DNMT3A: variants seen among roughly 807,000 people sequenced by gnomAD.
DNMT3A encodes the protein DNA methyltransferase 3 alpha.
In DNMT3A, 267 loss-of-function variants were observed where a neutral mutation model predicts 117.6. The observed-to-expected ratio is 2.27, with a 90% CI of 2.05 to 2.51. The LOEUF (loss-of-function observed/expected upper bound fraction) is 2.51, where lower values mean the gene tolerates loss of function less well. DNMT3A is among the 30% of genes most tolerant of loss of function. The probability of loss-of-function intolerance (pLI) is 0.00; values close to 1 mark genes in which losing one functional copy is unlikely to be tolerated. For synonymous variants in DNMT3A, 432 were observed against 474.8 expected (o/e 0.91, Z 1.17); for missense variants, 1,029 against 1,260.2 (o/e 0.82, Z 2.78).
At chr2:25,235,929 G>A in intron 21 of DNMT3A, 104 bp from the exon 22 acceptor site, 1 of 1,084,176 alleles carries the variant, frequency 9.2e-7, no homozygotes, top group South Asian at 1.3e-5. Context: ...CCCTGACAGG[G>A]CCTGGTCCAC....
rs2149273784 is a variant in DNMT3A, at chr2:25,240,668, G to A, written c.2145C>T (p.Ile715=). The part of the protein sequence containing the change: ...IGGSPCNDLS[I]VNPARKGLYE... ...AGAGGCCCTTGCGAGCAGGGTTGACGATGGAGAGGTCATTGCAGGGACTGC... is the reference window on the plus strand; with the variant it reads ...AGAGGCCCTTGCGAGCAGGGTTGACAATGGAGAGGTCATTGCAGGGACTGC... Residue 715 remains isoleucine (I), a synonymous_variant, in exon 18 of 23, where the codon ATC becomes ATT. Transcript: ENST00000321117. 10 of 1,614,264 alleles carry A rather than the reference G, an allele frequency of 6.2e-6. No individual in the cohort carries two copies. Among genetic ancestry groups the A allele is most frequent in the South Asian group, 2.2e-5 (2 of 91,080 alleles).
In DNMT3A at chr2:25,247,056, G is replaced by A. The variant is rs1470645299; in HGVS notation, c.1117C>T (p.Leu373=). 6.2e-7 allele frequency: 1 copy of A among 1,613,968 alleles called. No homozygotes were observed. The part of the protein sequence containing the change: ...PMYRKAIYEV[L]QVASSRAGKL... ...CTCCCAGCAGGGACACTCACCTGCAGGACCTCGTAGATGGCTTTGCGGTAC... is the reference window on the plus strand; with the variant it reads ...CTCCCAGCAGGGACACTCACCTGCAAGACCTCGTAGATGGCTTTGCGGTAC... The change falls in exon 9 of 23, where the codon CTG becomes TTG. Residue 373 remains leucine, a synonymous_variant. Transcript: ENST00000321117. This position sits in a 1 kb window ranked among gnomAD's most constrained non-coding sequence, Gnocchi z 5.6.
chr2:25,256,157 C>G (rs1447906305), intron 6 of DNMT3A, among the ~76,000 whole-genome samples: 10 of 152,254 alleles, frequency 6.6e-5, no homozygotes, highest in Non-Finnish European at 1.5e-5. Context: ...CCAGGGAGAC[C>G]TGATCCAGAC....
chr2:25,255,169 G>A (rs553531224), intron 6 of DNMT3A, among the ~76,000 whole-genome samples: 137 of 152,278 alleles, frequency 9.0e-4, no homozygotes, highest in Non-Finnish European at 1.6e-3. Flanking sequence ...TGTGGTCAAT[G>A]CACAGTCAGA....
chr2:25,246,273 A>ATG lies in DNMT3A; in HGVS notation c.1314_1315dup (p.Met439ThrfsTer213). On this transcript the variant is annotated frameshift_variant, in exon 11 of 23. Coordinates refer to ENST00000321117, the MANE Select transcript of DNMT3A (RefSeq NM_022552.5). LOFTEE classifies it high-confidence loss of function. ...GGCAGCTGCCTCAGGTTCCACCCACATGTCCGTGTACACTTCTTTGTAGGG... is the reference window on the plus strand; with the variant it reads ...GGCAGCTGCCTCAGGTTCCACCCACATGTGTCCGTGTACACTTCTTTGTAGGG... 1 of 1,613,818 alleles carries ATG rather than the reference A, an allele frequency of 6.2e-7. No homozygotes were observed. The highest frequency in any genetic ancestry group is 8.5e-7 in the Non-Finnish European group (1 of 1,179,830).
intron 6 of DNMT3A, among the ~76,000 whole-genome samples, chr2:25,267,019 C>T (rs945926006): frequency 2.6e-5 from 4 of 152,070 alleles, no homozygotes; most frequent in Non-Finnish European, 5.9e-5. Flanking sequence ...TAAATGGCCA[C>T]CAATAACAGA....
chr2:25,315,448 C>A (rs1013496418), intron 1 of DNMT3A, among the ~76,000 whole-genome samples: 6 of 152,198 alleles, frequency 3.9e-5, no homozygotes, highest in African/African-American at 1.4e-4. Context: ...ACAGCTGAGC[C>A]CTGAGGCAGC....
chr2:25,331,612 G>T (rs937791679), intron 1 of DNMT3A, among the ~76,000 whole-genome samples: 3 of 152,212 alleles, frequency 2.0e-5, no homozygotes, highest in African/African-American at 7.2e-5. Context: ...AAATCACTGT[G>T]AAGTAGAGGC....
Position 25,314,121 on chromosome 2 carries a change from T to G in DNMT3A, c.-137A>C. On this transcript the variant is annotated 5_prime_UTR_variant, in exon 2 of 23. Transcript: ENST00000321117. ...CGGTGTTGAGCCCTCTGGTGAACGGTGCCTCTGTCAGCCTGTGGGTGGGGG... is the reference window on the plus strand; with the variant it reads ...CGGTGTTGAGCCCTCTGGTGAACGGGGCCTCTGTCAGCCTGTGGGTGGGGG... The G allele has an allele frequency of 7.0e-7, 1 of 1,427,858 alleles. No individual in the cohort carries two copies. The highest frequency in any genetic ancestry group is 9.1e-7 in the Non-Finnish European group (1 of 1,093,766). 88.4% of individuals were successfully genotyped at this position (1,427,858 alleles called of 1,614,324 possible).
chr2:25,296,136 T>A lies in DNMT3A; in HGVS notation c.177+4003A>T, dbSNP rs1558718363. Among the ~76,000 whole-genome samples, 1 of 152,200 alleles carries A rather than the reference T, an allele frequency of 6.6e-6. No homozygotes were observed. The highest frequency in any genetic ancestry group is 2.4e-5 in the African/African-American group (1 of 41,442). On this transcript the variant is annotated intron_variant, in intron 3 of 22. Coordinates refer to ENST00000321117, the MANE Select transcript of DNMT3A (RefSeq NM_022552.5). The surrounding 1 kb of genome is among the most constrained non-coding windows in gnomAD (Gnocchi z 4.2). ...ACAACAAATGCTTCTCAAAGTGAGG[T>A]CTGCAGACCACTGCAGTCCCATGTG...
chr2:25,252,562 C>G lies in DNMT3A; in HGVS notation c.640-4310G>C, dbSNP rs1461866110. On this transcript the variant is annotated intron_variant, in intron 6 of 22. Transcript: ENST00000321117. This position sits in a 1 kb window ranked among gnomAD's most constrained non-coding sequence, Gnocchi z 5.5. ...CCCAGGCCGGGCTGCAGGGAGCGCC[C>G]CGCCTTCGGGAAGACCGCCTGGCCC... 1.3e-5 allele frequency among the ~76,000 whole-genome samples: 2 copies of G among 151,376 alleles called. No homozygotes were observed. Among genetic ancestry groups the G allele is most frequent in the Non-Finnish European group, 3.0e-5 (2 of 67,778 alleles).
intron 16 of DNMT3A, among the ~76,000 whole-genome samples, chr2:25,243,274 C>T (rs1674296370): frequency 6.7e-6 from 1 of 148,776 alleles, no homozygotes; most frequent in South Asian, 2.1e-4. Flanking sequence ...CACTGCACTC[C>T]AGCCTGGGCA....
At chr2:25,262,682 C>T (rs1558688730) in intron 6 of DNMT3A, among the ~76,000 whole-genome samples, 1 of 152,196 alleles carries the variant, frequency 6.6e-6, no homozygotes, top group South Asian at 2.1e-4. Flanking sequence ...ATTGTCCTGC[C>T]AGGTTATCTT....
At chr2:25,297,988 G>A (rs56218834) in intron 3 of DNMT3A, among the ~76,000 whole-genome samples, 60,092 of 152,172 alleles carry the variant, frequency 0.39, 12,266 homozygotes, top group Middle Eastern at 0.46. Flanking sequence ...GTCAAACTAC[G>A]GTTGCCGTGG....
chr2:25,247,557 C>T lies in DNMT3A; in HGVS notation c.1014+34G>A, dbSNP rs142243425. 788 of 1,605,180 alleles carry T rather than the reference C, an allele frequency of 4.9e-4. 3 individuals carry two copies. In the African/African-American group the frequency reaches 8.8e-3, roughly 18 times the overall value. On this transcript the variant is annotated intron_variant, in intron 8 of 22. Transcript: ENST00000321117. This position sits in a 1 kb window ranked among gnomAD's most constrained non-coding sequence, Gnocchi z 5.6. ...AGGCCCTGGGATCAAGAACCTTCCC[C>T]CACCCCAGGCTACTGCCAAACCCCA... is the stretch of plus-strand genomic sequence containing the variant.
chr2:25,230,104 C>A lies in DNMT3A; in HGVS notation c.*4175G>T, dbSNP rs976283232. Reference sequence around the variant, plus strand: ...GGCCTGTTTCAAAAGCTAACAGGTCCCGGGTGCTCTCTTGGAAAGTTTGCT... The same window carrying A: ...GGCCTGTTTCAAAAGCTAACAGGTCACGGGTGCTCTCTTGGAAAGTTTGCT... On this transcript the variant is annotated 3_prime_UTR_variant, in exon 23 of 23. Coordinates refer to ENST00000321117, the MANE Select transcript of DNMT3A (RefSeq NM_022552.5). 6.6e-5 allele frequency: 10 copies of A among 152,214 alleles called. No homozygotes were observed. Among genetic ancestry groups the A allele is most frequent in the African/African-American group, 2.2e-4 (9 of 41,452 alleles). 9.4% of individuals were successfully genotyped at this position (152,214 alleles called of 1,614,324 possible).
intron 1 of DNMT3A, among the ~76,000 whole-genome samples, chr2:25,332,804 T>A (rs1456769081): frequency 6.6e-6 from 1 of 152,192 alleles, no homozygotes; most frequent in African/African-American, 2.4e-5. Flanking sequence ...AGCCTGTGCG[T>A]GGATGGCAAC....
chr2:25,321,114 C>T (rs765106454), intron 1 of DNMT3A, among the ~76,000 whole-genome samples: 7 of 146,812 alleles, frequency 4.8e-5, no homozygotes, highest in Non-Finnish European at 9.0e-5. Context: ...CCCTGGGCAA[C>T]AAAAGCGAAA....
Position 25,234,296 on chromosome 2 carries a change from ACTC to A in DNMT3A, c.2719_2721del (p.Glu907del). On this transcript the variant is annotated inframe_deletion, in exon 23 of 23. Coordinates refer to ENST00000321117, the MANE Select transcript of DNMT3A (RefSeq NM_022552.5). This position sits in a 1 kb window ranked among gnomAD's most constrained non-coding sequence, Gnocchi z 4.5. The stretch of plus-strand genomic sequence containing the variant: ...CATGTCCCTTACACACACGCAAAAT[ACTC>A]CTTCAGCGGAGCGAAGAGGTGGCGG... 1.2e-6 allele frequency: 2 copies of A among 1,613,196 alleles called. No homozygotes were observed. Among genetic ancestry groups the A allele is most frequent in the Non-Finnish European group, 1.7e-6 (2 of 1,179,614 alleles).
Sources: allele counts gnomAD v4.1 joint callset (sites outside exome capture counted in the v4.1 genomes callset), GRCh38; gene constraint gnomAD v4.1.1; non-coding constraint Gnocchi (gnomAD v3.1); transcripts MANE v1.5; gene names NCBI Gene and HGNC (gene_info 2026-07-23, HGNC 2026-07-21).